MYH9: variants seen among roughly 807,000 people sequenced by gnomAD.
MYH9 encodes myosin heavy chain 9.
Under a neutral mutation model 241.9 loss-of-function variants are expected in MYH9, and 29 were observed. That is an observed-to-expected ratio of 0.12 (90% CI 0.09 to 0.16). The LOEUF is 0.16. MYH9 is among the 10% of genes least tolerant of loss of function. MYH9 has a pLI of 1.00. For synonymous variants in MYH9, 1,047 were observed against 1,062.6 expected, an observed-to-expected ratio of 0.99 and a Z score of 0.29; for missense variants, 1,803 against 2,595.5, an observed-to-expected ratio of 0.69 and a Z score of 6.63.
chr22:36,293,658 G>A lies in MYH9; in HGVS notation c.3942+101C>T, dbSNP rs1412716209. On this transcript the variant is annotated intron_variant, in intron 29 of 40. Coordinates refer to ENST00000216181, the MANE Select transcript of MYH9 (RefSeq NM_002473.6). The surrounding 1 kb of genome is among the most constrained non-coding windows in gnomAD (Gnocchi z 5.1). ...CCACCCACAGGATGAAGCAGATGAA[G>A]GAGAGGATGGGCAATCCGATGGGCT... is the stretch of plus-strand genomic sequence containing the variant. 2 of 1,332,172 alleles carry A rather than the reference G, an allele frequency of 1.5e-6. No homozygotes were observed. Among genetic ancestry groups the A allele is most frequent in the Non-Finnish European group, 2.1e-6 (2 of 941,926 alleles). 82.5% of individuals were successfully genotyped at this position (1,332,172 alleles called of 1,614,324 possible). A position where few individuals can be genotyped will look rare whatever the true frequency, so the allele number is the denominator to read the frequency against.
At position 36,282,642 on chromosome 22, in the gene MYH9, C is replaced by T; in HGVS notation, c.*26G>A. 6.2e-7 allele frequency: 1 copy of T among 1,601,890 alleles called. No individual in the cohort carries two copies. ...GAGGCTGTGGTGTCTGTCTGTCCAT[C>T]CATCTCAGGCTGCAGGAGAAGAGGC... is the stretch of plus-strand genomic sequence containing the variant. On this transcript the variant is annotated 3_prime_UTR_variant, in exon 41 of 41. Coordinates refer to ENST00000216181, the MANE Select transcript of MYH9 (RefSeq NM_002473.6).
chr22:36,365,366 C>G (rs1294738864), intron 1 of MYH9, among the ~76,000 whole-genome samples: 1 of 152,220 alleles, frequency 6.6e-6, no homozygotes, highest in Non-Finnish European at 1.5e-5. Context: ...CAGCTCAGCT[C>G]GGGCCTGGAG....
intron 11 of MYH9, among the ~76,000 whole-genome samples, chr22:36,317,724 C>T (rs919048576): frequency 1.3e-5 from 2 of 152,240 alleles, no homozygotes; most frequent in African/African-American, 4.8e-5. Context: ...CAGGCAGGCA[C>T]ATCAGTCTGG....
chr22:36,301,467 C>G, intron 21 of MYH9, 67 bp downstream of exon 21: 1 of 1,603,884 alleles, frequency 6.2e-7, no homozygotes, highest in Non-Finnish European at 8.5e-7. Flanking sequence ...CCGTGCCTAC[C>G]GATGGCCAGC....
chr22:36,320,975 C>A lies in MYH9; in HGVS notation c.770-79G>T. On this transcript the variant is annotated intron_variant, in intron 7 of 40. Transcript: ENST00000216181. This position sits in a 1 kb window ranked among gnomAD's most constrained non-coding sequence, Gnocchi z 4.8. The stretch of plus-strand genomic sequence containing the variant: ...TTCCTCATTTTTTTTTTTTTGGAGA[C>A]AGAGTCTCGCTCTGTCACCCAGGTT... 1 of 1,161,954 alleles carries A rather than the reference C, an allele frequency of 8.6e-7. No homozygotes were observed. Among genetic ancestry groups the A allele is most frequent in the Non-Finnish European group, 1.2e-6 (1 of 800,272 alleles). 72.0% of individuals were successfully genotyped at this position (1,161,954 alleles called of 1,614,324 possible).
intron 19 of MYH9, 36 bp from the exon 20 acceptor site, chr22:36,302,712 G>C (rs1569535272): frequency 1.9e-6 from 3 of 1,576,348 alleles, no homozygotes; most frequent in Admixed American, 3.4e-5. Context: ...GCGGAGCAGT[G>C]GACAGCAGAC....
chr22:36,306,328 G>C lies in MYH9; in HGVS notation c.2037+86C>G, dbSNP rs2146348568. 7 of 1,538,720 alleles carry C rather than the reference G, an allele frequency of 4.5e-6. No homozygotes were observed. The highest frequency in any genetic ancestry group is 4.6e-5 in the East Asian group (2 of 43,294). On this transcript the variant is annotated intron_variant, in intron 16 of 40. Transcript: ENST00000216181. The surrounding 1 kb of genome is among the most constrained non-coding windows in gnomAD (Gnocchi z 4.1). ...GCTCTGTGCATGCTGGGGGGCTGGA[G>C]GGGTGCTTTTGCTGGGGAGACAGAC...
intron 25 of MYH9, 48 bp downstream of exon 25, chr22:36,296,795 G>C: frequency 6.4e-7 from 1 of 1,556,094 alleles, no homozygotes; most frequent in Non-Finnish European, 8.7e-7. Context: ...CAAGCAGGAA[G>C]GGCTGGCCCA....
Position 36,305,555 on chromosome 22 carries a change from G to A in MYH9, c.2159+375C>T, listed in dbSNP as rs778999584. Among the ~76,000 whole-genome samples the A allele has an allele frequency of 2.6e-5, 4 of 152,162 alleles. No homozygotes were observed. The highest frequency in any genetic ancestry group is 4.4e-5 in the Non-Finnish European group (3 of 68,038). Reference sequence around the variant, plus strand: ...GAAACAGGAAGGTGTCGCCGTCTTCGCACACAGCAACGCACGGCCGTGTTT... The same window carrying A: ...GAAACAGGAAGGTGTCGCCGTCTTCACACACAGCAACGCACGGCCGTGTTT... On this transcript the variant is annotated intron_variant, in intron 17 of 40. Transcript: ENST00000216181. This position sits in a 1 kb window ranked among gnomAD's most constrained non-coding sequence, Gnocchi z 4.7.
chr22:36,301,766 AG>A, intron 20 of MYH9, 101 bp from the exon 21 acceptor site: 3 of 1,504,212 alleles, frequency 2.0e-6, no homozygotes, highest in Non-Finnish European at 2.7e-6. Flanking sequence ...CATGAAAGTG[AG>A]GGGCAAGAAG....
rs760537300 is a variant in MYH9, at chr22:36,295,091, C to A, written c.3486-15G>T. On this transcript the variant is annotated splice_polypyrimidine_tract_variant and intron_variant, in intron 26 of 40. Coordinates refer to ENST00000216181, the MANE Select transcript of MYH9 (RefSeq NM_002473.6). This position sits in a 1 kb window ranked among gnomAD's most constrained non-coding sequence, Gnocchi z 4.1. ...CACGTTTTGACCTGGACAGAGAAAT[C>A]CCCTCAGAGTGGAGGCCGGGGATGC... 2 of 1,614,160 alleles carry A rather than the reference C, an allele frequency of 1.2e-6. No homozygotes were observed. The highest frequency in any genetic ancestry group is 2.2e-5 in the East Asian group (1 of 44,870).
chr22:36,348,286 A>G (rs1239846787), intron 2 of MYH9, among the ~76,000 whole-genome samples: 2 of 151,160 alleles, frequency 1.3e-5, no homozygotes, highest in East Asian at 1.9e-4. Flanking sequence ...AGGCGGGTGG[A>G]TCACCTGAGG....
chr22:36,343,919 C>T (rs1281954301), intron 2 of MYH9, among the ~76,000 whole-genome samples: 2 of 152,176 alleles, frequency 1.3e-5, no homozygotes, highest in East Asian at 3.8e-4. Flanking sequence ...GGAAATCCAG[C>T]CCAGGAAAAC....
chr22:36,323,790 A>G (rs1300029116), intron 5 of MYH9, among the ~76,000 whole-genome samples: 1 of 152,128 alleles, frequency 6.6e-6, no homozygotes, highest in Non-Finnish European at 1.5e-5. Flanking sequence ...CCGCTTGTGA[A>G]CCATCCAGAC....
At chr22:36,307,934 A>G (rs1013183388) in intron 15 of MYH9, among the ~76,000 whole-genome samples, 1 of 151,396 alleles carries the variant, frequency 6.6e-6, no homozygotes, top group Non-Finnish European at 1.5e-5. Flanking sequence ...TGTACCCACC[A>G]CAGGGTCAAT....
At chr22:36,385,996 T>G (rs535442190) in intron 1 of MYH9, among the ~76,000 whole-genome samples, 42 of 152,302 alleles carry the variant, frequency 2.8e-4, no homozygotes, top group African/African-American at 9.4e-4. Context: ...CCTTTGTCTA[T>G]GGCATACTTG....
chr22:36,352,809 G>A (rs1216793133), intron 1 of MYH9, among the ~76,000 whole-genome samples: 2 of 152,192 alleles, frequency 1.3e-5, no homozygotes, highest in Non-Finnish European at 2.9e-5. Flanking sequence ...CCAGCTTGCT[G>A]GGCACCTCCC....
At chr22:36,322,649 G>A (rs1175872102) in intron 5 of MYH9, 128 bp from the exon 6 acceptor site, 14 of 902,706 alleles carry the variant, frequency 1.6e-5, no homozygotes, top group East Asian at 5.2e-5. Context: ...AGAGGTTTCC[G>A]GGTGGGCTCC....
chr22:36,298,408 C>T (rs570764069), intron 24 of MYH9, among the ~76,000 whole-genome samples: 4 of 152,292 alleles, frequency 2.6e-5, no homozygotes, highest in African/African-American at 9.6e-5. Context: ...AATGAACTTC[C>T]GCAGTATTCG....
Sources: gnomAD v4.1 joint callset for allele counts (sites outside exome capture counted in the v4.1 genomes callset) on GRCh38, gnomAD v4.1.1 for gene constraint, Gnocchi (gnomAD v3.1) non-coding constraint, MANE v1.5 for transcripts, NCBI Gene and HGNC (gene_info 2026-07-23, HGNC 2026-07-21) for gene names.